Variants in SLIT1 observed in about 807,000 individuals in gnomAD.
SLIT1 encodes slit guidance ligand 1, also known as slit homolog 1 protein.
A neutral mutation model predicts 186.1 loss-of-function variants in SLIT1; 66 were observed. The ratio of observed to expected loss-of-function variants is 0.35; its 90% CI spans 0.29 to 0.44. The LOEUF (loss-of-function observed/expected upper bound fraction) is 0.44, where lower values mean the gene tolerates loss of function less well. Among genes scored for constraint, SLIT1 ranks in the 20% least tolerant of loss-of-function variants. The pLI, the probability that SLIT1 is intolerant of heterozygous loss-of-function variation, is 1.00. For synonymous variants in SLIT1, 761 were observed against 833.8 expected (o/e 0.91, Z 1.50); for missense variants, 1,638 against 2,037.4 (o/e 0.80, Z 3.77).
chr10:97,120,828 ACTCT>A (rs2134687322), intron 4 of SLIT1, among the ~76,000 whole-genome samples: 1 of 152,014 alleles, frequency 6.6e-6, no homozygotes, highest in South Asian at 2.1e-4. Flanking sequence ...CTGGACTCTG[ACTCT>A]CTCTCCCTAC....
chr10:97,015,854 T>C (rs928474843), intron 28 of SLIT1, among the ~76,000 whole-genome samples: 12 of 152,068 alleles, frequency 7.9e-5, no homozygotes, highest in Non-Finnish European at 1.5e-4. Context: ...CAGAGACGCA[T>C]GGCAGAGTAC....
At chr10:97,172,407 T>C (rs745714196) in intron 1 of SLIT1, among the ~76,000 whole-genome samples, 1 of 152,172 alleles carries the variant, frequency 6.6e-6, no homozygotes, top group Non-Finnish European at 1.5e-5. Flanking sequence ...CACATGAGAT[T>C]AGAAGCTCCC....
At position 97,013,922 on chromosome 10, in the gene SLIT1, C is replaced by T. The variant is rs568589005; in HGVS notation, c.3110-88G>A. On this transcript the variant is annotated intron_variant, in intron 29 of 36. Transcript: ENST00000266058. ...AGACCCACAGAAATCCTCCTGCAGACACTGAGGCAGGGATCCCCTTCCACT... is the reference window on the plus strand; with the variant it reads ...AGACCCACAGAAATCCTCCTGCAGATACTGAGGCAGGGATCCCCTTCCACT... The T allele has an allele frequency of 8.4e-6, 13 of 1,555,028 alleles. No homozygotes were observed. In the South Asian group the frequency reaches 1.1e-4, roughly 13 times the overall value.
At chr10:97,181,133 C>T (rs1387842586) in intron 1 of SLIT1, among the ~76,000 whole-genome samples, 1 of 152,146 alleles carries the variant, frequency 6.6e-6, no homozygotes, top group Non-Finnish European at 1.5e-5. Context: ...GGTCCTAACA[C>T]CAGTCATTCA....
intron 4 of SLIT1, among the ~76,000 whole-genome samples, chr10:97,137,774 C>T (rs778128118): frequency 3.3e-5 from 5 of 152,032 alleles, no homozygotes; most frequent in Admixed American, 6.6e-5. Context: ...TCTGTAGAGA[C>T]GGGGTTTTGT....
intron 23 of SLIT1, among the ~76,000 whole-genome samples, chr10:97,033,970 T>C (rs189526732): frequency 2.0e-5 from 3 of 151,842 alleles, no homozygotes; most frequent in African/African-American, 7.3e-5. Flanking sequence ...GTTCACGCGA[T>C]TCTCCTGCCT....
chr10:97,176,847 G>A, intron 1 of SLIT1, among the ~76,000 whole-genome samples: 1 of 152,100 alleles, frequency 6.6e-6, no homozygotes, highest in East Asian at 1.9e-4. Flanking sequence ...ACACAGGATA[G>A]GAGTTCCTCC....
chr10:97,094,957 A>C (rs7922231), intron 4 of SLIT1, among the ~76,000 whole-genome samples: 1 of 152,092 alleles, frequency 6.6e-6, no homozygotes, highest in Non-Finnish European at 1.5e-5. Context: ...TTAATTCTCT[A>C]CCCTACCCCT....
chr10:97,049,524 G>T (rs1460701568), intron 13 of SLIT1, among the ~76,000 whole-genome samples: 1 of 152,228 alleles, frequency 6.6e-6, no homozygotes, highest in East Asian at 1.9e-4. Flanking sequence ...CCCAGAGAGG[G>T]TAACAAAACC....
intron 36 of SLIT1, among the ~76,000 whole-genome samples, 164 bp from the exon 37 acceptor site, chr10:97,001,514 G>A (rs1848309468): frequency 6.6e-6 from 1 of 152,152 alleles, no homozygotes; most frequent in South Asian, 2.1e-4. Flanking sequence ...GCCTCCCACT[G>A]ACATGCACAA....
intron 4 of SLIT1, among the ~76,000 whole-genome samples, chr10:97,150,107 A>C (rs539742411): frequency 1.8e-4 from 27 of 152,278 alleles, no homozygotes; most frequent in African/African-American, 6.3e-4. Context: ...CCGCCATCTC[A>C]AGGAGTCCCC....
chr10:97,112,685 T>C (rs894166019), intron 4 of SLIT1, among the ~76,000 whole-genome samples: 26 of 152,152 alleles, frequency 1.7e-4, no homozygotes, highest in Non-Finnish European at 4.4e-5. Flanking sequence ...CCATGATTTG[T>C]TATTAATTTG....
rs61265496 is a variant in SLIT1 at position 97,146,559 on chromosome 10, G to GCCCCCCCCC, written c.413+11258_413+11259insGGGGGGGGG. Among the ~76,000 whole-genome samples the GCCCCCCCCC allele has an allele frequency of 4.7e-5, 7 of 149,080 alleles. No homozygotes were observed. The East Asian group carries it at 6.0e-4, about 13-fold the overall frequency. On this transcript the variant is annotated intron_variant, in intron 4 of 36. Coordinates refer to ENST00000266058, the MANE Select transcript of SLIT1 (RefSeq NM_003061.3). ...ACTACCCACACAGAGAGGTACCCCA[G>GCCCCCCCCC]CCCCCCCCACTGAACACCTCCCAGT...
intron 22 of SLIT1, among the ~76,000 whole-genome samples, chr10:97,035,366 C>A (rs1481157822): frequency 6.6e-6 from 1 of 152,150 alleles, no homozygotes; most frequent in Admixed American, 6.5e-5. Context: ...ACTCCTCCTC[C>A]TGATGCCCAC....
chr10:97,030,743 G>T lies in SLIT1; in HGVS notation c.2582+14C>A. ...AATCCAAAGAGGCCCAGAGAAAGGG[G>T]CTAGGGTACTCACAGGTGAGACAGG... On this transcript the variant is annotated intron_variant, in intron 25 of 36. Coordinates refer to ENST00000266058, the MANE Select transcript of SLIT1 (RefSeq NM_003061.3). 6.2e-7 allele frequency: 1 copy of T among 1,608,042 alleles called. No homozygotes were observed. The highest frequency in any genetic ancestry group is 8.5e-7 in the Non-Finnish European group (1 of 1,174,814).
At chr10:97,174,558 G>A (rs1445918858) in intron 1 of SLIT1, among the ~76,000 whole-genome samples, 1 of 152,242 alleles carries the variant, frequency 6.6e-6, no homozygotes, top group African/African-American at 2.4e-5. Context: ...GGAGGAGGCA[G>A]GGACCCCATG....
chr10:97,160,474 C>T lies in SLIT1; in HGVS notation c.342-2585G>A, dbSNP rs141716309. On this transcript the variant is annotated intron_variant, in intron 3 of 36. Transcript: ENST00000266058. ...ATTTTAAAAATCAGGAATACTCCCC[C>T]AGATTGCTCCCAAGGCCCTTTGGAA... 9.1e-3 allele frequency among the ~76,000 whole-genome samples: 1,385 copies of T among 152,256 alleles called. 19 individuals carry two copies. Among genetic ancestry groups the T allele is most frequent in the African/African-American group, 0.031 (1,281 of 41,534 alleles).
At chr10:97,166,565 G>A (rs866595774) in intron 1 of SLIT1, among the ~76,000 whole-genome samples, 35 of 31,660 alleles carry the variant, frequency 1.1e-3, no homozygotes, top group East Asian at 4.9e-3. Context: ...GAAAGAGAGA[G>A]AGAGAGAAAG....
chr10:97,176,294 C>T (rs184083270), intron 1 of SLIT1, among the ~76,000 whole-genome samples: 1 of 152,060 alleles, frequency 6.6e-6, no homozygotes, highest in Admixed American at 6.5e-5. Context: ...TTGAGGCTGG[C>T]GAGAGGGAGG....
Sources: gnomAD v4.1 joint callset for allele counts (sites outside exome capture counted in the v4.1 genomes callset) on GRCh38, gnomAD v4.1.1 for gene constraint, MANE v1.5 for transcripts, NCBI Gene and HGNC (gene_info 2026-07-23, HGNC 2026-07-21) for gene names.